NUP62: variants seen among roughly 807,000 people sequenced by gnomAD.
The protein encoded by NUP62 is nucleoporin 62, also known as nuclear pore glycoprotein p62.
For missense variants in NUP62, 647 were observed against 689.4 expected (o/e 0.94, Z 0.69); for synonymous variants, 305 against 303.4 (o/e 1.01, Z -0.05).
chr19:49,924,846 G>A (rs538926142), intron 2 of NUP62, among the ~76,000 whole-genome samples: 4 of 152,220 alleles, frequency 2.6e-5, no homozygotes, highest in Non-Finnish European at 4.4e-5. Context: ...CCAATAGCTA[G>A]AGAGAAAAGG....
chr19:49,928,500 G>A (rs1308429078), intron 1 of NUP62: 1 of 147,086 alleles, frequency 6.8e-6, no homozygotes, highest in African/African-American at 2.5e-5. Context: ...CTGGGCGACA[G>A]AGACGGAGAG....
intron 2 of NUP62, among the ~76,000 whole-genome samples, chr19:49,912,635 G>C (rs922658951): frequency 1.3e-5 from 2 of 152,264 alleles, no homozygotes; most frequent in East Asian, 1.9e-4. Flanking sequence ...AGGCTGAGGT[G>C]GGGGGATCGC....
At position 49,909,695 on chromosome 19, in the gene NUP62, C is replaced by T. The variant is rs1208191177; in HGVS notation, c.113G>A (p.Gly38Asp). ...AGCCCCAAAATTAAACCCTCCAGTG[C>T]CAGAGGTGGAGAAAGAAAACCCTGT... ...PATGFSFSTS[G>D]TGGFNFGAPF... The change falls in exon 3 of 3, where the codon GGC becomes GAC. Residue 38 changes from glycine to aspartate, a missense_variant. Physicochemically the swap from Gly to Asp is moderately conservative, Grantham distance 94. Coordinates refer to ENST00000352066, the MANE Select transcript of NUP62 (RefSeq NM_016553.5). The T allele has an allele frequency of 6.2e-7, 1 of 1,613,986 alleles. No homozygotes were observed. Among genetic ancestry groups the T allele is most frequent in the Non-Finnish European group, 8.5e-7 (1 of 1,180,044 alleles).
intron 2 of NUP62, among the ~76,000 whole-genome samples, chr19:49,914,882 G>A (rs2075585142): frequency 6.6e-6 from 1 of 151,812 alleles, no homozygotes; most frequent in East Asian, 1.9e-4. Context: ...TGGGATTACA[G>A]GCGTGCACCA....
chr19:49,923,092 A>G (rs1191270059), intron 2 of NUP62, among the ~76,000 whole-genome samples: 1 of 151,772 alleles, frequency 6.6e-6, no homozygotes, highest in Non-Finnish European at 1.5e-5. Context: ...TTTGCATAAG[A>G]GCTGTGACTG....
At chr19:49,924,205 G>A in intron 2 of NUP62, among the ~76,000 whole-genome samples, 1 of 152,122 alleles carries the variant, frequency 6.6e-6, no homozygotes, top group Admixed American at 6.5e-5. Context: ...CATCTAACTG[G>A]CACTGTGATT....
chr19:49,909,068 C>T lies in NUP62; in HGVS notation c.740G>A (p.Gly247Asp). 2 of 1,612,690 alleles carry T rather than the reference C, an allele frequency of 1.2e-6. No individual in the cohort carries two copies. Among genetic ancestry groups the T allele is most frequent in the Non-Finnish European group, 1.7e-6 (2 of 1,180,024 alleles). ...LSLCTPVTTA[G>D]APTAGTQGFS... ...GCCCTGTGTCCCAGCAGTGGGGGCG[C>T]CCGCTGTGGTCACAGGGGTACAGAG... Residue 247 changes from glycine (G) to aspartate (D), a missense_variant, in exon 3 of 3, where the codon GGC becomes GAC. Physicochemically the swap from Gly to Asp is moderately conservative, Grantham distance 94. Transcript: ENST00000352066.
In NUP62 at chr19:49,907,803, T is replaced by C; in HGVS notation, c.*436A>G. ...TGCCCGCCTTGGCCACCCAAAGTGC[T>C]GAGATTACAGGGGTGAGCCACTGCG... On this transcript the variant is annotated 3_prime_UTR_variant, in exon 3 of 3. Transcript: ENST00000352066. The C allele has an allele frequency of 3.0e-6, 1 of 336,958 alleles. No individual in the cohort carries two copies. The highest frequency in any genetic ancestry group is 5.7e-6 in the Non-Finnish European group (1 of 175,570). The allele number at this position is 336,958 out of a possible 1,614,324, so 20.9% of individuals were successfully genotyped here.
rs779564164 is a variant in NUP62, at chr19:49,921,541, C to A, written c.-78+6153G>T. Among the ~76,000 whole-genome samples, 27 of 152,228 alleles carry A rather than the reference C, an allele frequency of 1.8e-4. No individual in the cohort carries two copies. The highest frequency in any genetic ancestry group is 3.8e-4 in the Non-Finnish European group (26 of 68,042). Reference sequence around the variant, plus strand: ...CCTGCAGGGAAGAGAGGGGCGTCCGCTGCTCGCCAACCCCCATACGTTCCT... The same window carrying A: ...CCTGCAGGGAAGAGAGGGGCGTCCGATGCTCGCCAACCCCCATACGTTCCT... On this transcript the variant is annotated intron_variant, in intron 2 of 2. Transcript: ENST00000352066. This position sits in a 1 kb window ranked among gnomAD's most constrained non-coding sequence, Gnocchi z 5.4.
At chr19:49,926,890 C>G (rs1021673086) in intron 2 of NUP62, among the ~76,000 whole-genome samples, 4 of 144,932 alleles carry the variant, frequency 2.8e-5, no homozygotes, top group African/African-American at 1.0e-4. Context: ...AGGTCTCACT[C>G]TGTCACCCAG....
At chr19:49,913,357 A>G (rs867001279) in intron 2 of NUP62, among the ~76,000 whole-genome samples, 1 of 152,192 alleles carries the variant, frequency 6.6e-6, no homozygotes, top group Admixed American at 6.5e-5. Flanking sequence ...GTGCTGCCAG[A>G]TAAGAGCGCC....
chr19:49,921,417 T>G lies in NUP62; in HGVS notation c.-78+6277A>C, dbSNP rs888196028. Among the ~76,000 whole-genome samples, 3 of 152,130 alleles carry G rather than the reference T, an allele frequency of 2.0e-5. No individual in the cohort carries two copies. On this transcript the variant is annotated intron_variant, in intron 2 of 2. Transcript: ENST00000352066. This position sits in a 1 kb window ranked among gnomAD's most constrained non-coding sequence, Gnocchi z 5.4. ...CCCTTCCCATTCTCCAGAGACTTCC[T>G]GGGCCATCTCCATGACCTTCCAGAC...
intron 2 of NUP62, among the ~76,000 whole-genome samples, chr19:49,925,860 T>G (rs995491328): frequency 3.9e-5 from 6 of 152,196 alleles, no homozygotes; most frequent in Admixed American, 2.6e-4. Context: ...CCGTATTATC[T>G]TTGCAACTTT....
intron 2 of NUP62, among the ~76,000 whole-genome samples, chr19:49,925,926 C>A (rs1382357769): frequency 6.6e-6 from 1 of 152,094 alleles, no homozygotes; most frequent in African/African-American, 2.4e-5. Flanking sequence ...TAAAAAATAA[C>A]CCCCTTGGGT....
chr19:49,921,249 C>T lies in NUP62; in HGVS notation c.-78+6445G>A, dbSNP rs1332326169. ...AAGGGGAGAGGACTTCAGTCACCTG[C>T]GTAAAGTCCCACAACCAGTAAGGGC... On this transcript the variant is annotated intron_variant, in intron 2 of 2. Transcript: ENST00000352066. The surrounding 1 kb of genome is among the most constrained non-coding windows in gnomAD (Gnocchi z 5.4). Among the ~76,000 whole-genome samples the T allele has an allele frequency of 2.6e-5, 4 of 152,130 alleles. No individual in the cohort carries two copies. The highest frequency in any genetic ancestry group is 5.9e-5 in the Non-Finnish European group (4 of 68,024).
At chr19:49,914,825 C>T (rs758344775) in intron 2 of NUP62, among the ~76,000 whole-genome samples, 2 of 146,660 alleles carry the variant, frequency 1.4e-5, no homozygotes, top group African/African-American at 2.5e-5. Context: ...CTACAACCTC[C>T]GCCTCCCGGG....
intron 2 of NUP62, among the ~76,000 whole-genome samples, chr19:49,926,706 T>C (rs1481304504): frequency 2.6e-5 from 4 of 152,190 alleles, no homozygotes; most frequent in Admixed American, 1.3e-4. Context: ...CAAAAATCTA[T>C]ACAGCAATGG....
At chr19:49,923,266 C>G (rs2075807434) in intron 2 of NUP62, among the ~76,000 whole-genome samples, 1 of 152,226 alleles carries the variant, frequency 6.6e-6, no homozygotes, top group East Asian at 1.9e-4. Context: ...CCACCTTCAA[C>G]CCCGGCACCC....
At position 49,908,836 on chromosome 19, in the gene NUP62, G is replaced by A. The variant is rs765339469; in HGVS notation, c.972C>T (p.Ala324=). 6.2e-7 allele frequency: 1 copy of A among 1,612,774 alleles called. No homozygotes were observed. The highest frequency in any genetic ancestry group is 8.5e-7 in the Non-Finnish European group (1 of 1,179,968). ...GCTGCGCGTAGGTCATGGCGGAGCT[G>A]GCAGCCGCCCCTGCAGCTGCGCCAG... ...PGPGAAAGAA[A]SSAMTYAQLE... The change falls in exon 3 of 3, where the codon GCC becomes GCT. Residue 324 remains alanine, a synonymous_variant. Coordinates refer to ENST00000352066, the MANE Select transcript of NUP62 (RefSeq NM_016553.5).
Sources: allele counts gnomAD v4.1 joint callset (sites outside exome capture counted in the v4.1 genomes callset), GRCh38; gene constraint gnomAD v4.1.1; non-coding constraint Gnocchi (gnomAD v3.1); transcripts MANE v1.5; gene names NCBI Gene and HGNC (gene_info 2026-07-23, HGNC 2026-07-21).